CHAMP1: variants seen among roughly 807,000 people sequenced by gnomAD.
The protein encoded by CHAMP1 is chromosome alignment-maintaining phosphoprotein 1.
Under a neutral mutation model 54.5 loss-of-function variants are expected in CHAMP1, and 4 were observed. The observed-to-expected ratio is 0.07, with a 90% confidence interval of 0.04 to 0.17. The LOEUF is 0.17. Among genes scored for constraint, CHAMP1 ranks in the 10% least tolerant of loss-of-function variants. The probability of loss-of-function intolerance (pLI) is 1.00; values close to 1 mark genes in which losing one functional copy is unlikely to be tolerated. For synonymous variants in CHAMP1, 368 were observed against 342.2 expected, an observed-to-expected ratio of 1.08 and a Z score of -0.83; for missense variants, 994 against 968.6, an observed-to-expected ratio of 1.03 and a Z score of -0.35.
At chr13:114,321,604 GTTGGGCTGTTCA>G (rs200870566) in intron 2 of CHAMP1, among the ~76,000 whole-genome samples, 39,817 of 152,054 alleles carry the variant, frequency 0.26, 5,737 homozygotes, top group African/African-American at 0.36. Flanking sequence ...ATTATTGCCA[GTTGGGCTGTTCA>G]TTATTGCCTC....
chr13:114,315,619 T>G (rs2087087200), intron 1 of CHAMP1, among the ~76,000 whole-genome samples: 1 of 151,974 alleles, frequency 6.6e-6, no homozygotes. Context: ...TTGAGTGAAA[T>G]AAGACACAAA....
At chr13:114,318,115 A>G (rs2087120946) in intron 1 of CHAMP1, among the ~76,000 whole-genome samples, 1 of 152,182 alleles carries the variant, frequency 6.6e-6, no homozygotes, top group Non-Finnish European at 1.5e-5. Flanking sequence ...TCGTTCTGCT[A>G]CTGTGGGAAA....
intron 1 of CHAMP1, among the ~76,000 whole-genome samples, chr13:114,316,530 C>T (rs1427376892): frequency 6.6e-6 from 1 of 151,234 alleles, no homozygotes; most frequent in African/African-American, 2.4e-5. Flanking sequence ...GTGGAGATTG[C>T]AGTGAGCCGA....
At chr13:114,315,103 G>C (rs9590516) in intron 1 of CHAMP1, among the ~76,000 whole-genome samples, 10 of 152,178 alleles carry the variant, frequency 6.6e-5, no homozygotes, top group African/African-American at 2.4e-4. Flanking sequence ...CCCAGTTCAA[G>C]AATGGGCAAG....
chr13:114,317,280 CTCCCA>C (rs1284993513), intron 1 of CHAMP1, among the ~76,000 whole-genome samples: 2 of 152,048 alleles, frequency 1.3e-5, no homozygotes, highest in Non-Finnish European at 2.9e-5. Context: ...CTGCCTTGGC[CTCCCA>C]AAGTGTTGGG....
Position 114,325,897 on chromosome 13 carries a change from T to A in CHAMP1, c.2055T>A (p.Phe685Leu). Residue 685 changes from phenylalanine to leucine, a missense_variant, in exon 3 of 3, where the codon TTT (phenylalanine) becomes TTA (leucine). Phe to Leu is a conservative substitution (Grantham distance 22, BLOSUM62 0). Transcript: ENST00000361283. The stretch of plus-strand genomic sequence containing the variant: ...AGCAGTCTAGAAATGTGCTACAGTT[T>A]ACTGAAGAAAAAGAAGCTTTTATCT... The part of the protein sequence containing the change: ...SPEQSRNVLQ[F>L]TEEKEAFISE... 2 of 1,613,874 alleles carry A rather than the reference T, an allele frequency of 1.2e-6. No homozygotes were observed. Among genetic ancestry groups the A allele is most frequent in the Non-Finnish European group, 1.7e-6 (2 of 1,179,940 alleles).
intron 1 of CHAMP1, among the ~76,000 whole-genome samples, chr13:114,319,949 G>A (rs2087147473): frequency 1.3e-5 from 2 of 152,202 alleles, no homozygotes; most frequent in Non-Finnish European, 2.9e-5. Flanking sequence ...AGCTTTATAT[G>A]CCATATTCAA....
chr13:114,324,815 T>G lies in CHAMP1; in HGVS notation c.973T>G (p.Ser325Ala), dbSNP rs370329111. The change falls in exon 3 of 3, where the codon TCC (serine) becomes GCC (alanine). Residue 325 changes from serine to alanine, a missense_variant. Ser to Ala is a moderately conservative substitution (Grantham distance 99). Transcript: ENST00000361283. Reference sequence around the variant, plus strand: ...ACCTGGGTCCCCTAGGCCTTGGAAATCCAATCCTTCAGCATCATCAGGACC... The same window carrying G: ...ACCTGGGTCCCCTAGGCCTTGGAAAGCCAATCCTTCAGCATCATCAGGACC... ...GPPGSPRPWK[S>A]NPSASSGPWK... 6.2e-7 allele frequency: 1 copy of G among 1,613,842 alleles called. No individual in the cohort carries two copies. Among genetic ancestry groups the G allele is most frequent in the Non-Finnish European group, 8.5e-7 (1 of 1,179,932 alleles).
Position 114,324,229 on chromosome 13 carries a change from C to T in CHAMP1, c.387C>T (p.Ala129=). 6.2e-7 allele frequency: 1 copy of T among 1,614,148 alleles called. No homozygotes were observed. Among genetic ancestry groups the T allele is most frequent in the Non-Finnish European group, 8.5e-7 (1 of 1,180,032 alleles). ...CAGCAGAACCAAAATCCATACCTGC[C>T]CTTTCAATGGAAACACAGAAACTTG... ...CNSAEPKSIP[A]LSMETQKLGS... Residue 129 remains alanine, a synonymous_variant, in exon 3 of 3, where the codon GCC becomes GCT. Coordinates refer to ENST00000361283, the MANE Select transcript of CHAMP1 (RefSeq NM_032436.4).
intron 1 of CHAMP1, among the ~76,000 whole-genome samples, chr13:114,318,623 C>G (rs1484478861): frequency 2.6e-5 from 4 of 152,014 alleles, no homozygotes; most frequent in African/African-American, 9.7e-5. Flanking sequence ...CACACCCGGC[C>G]TGATCATCAG....
In CHAMP1 at chr13:114,325,062, A is replaced by T. The variant is rs1555379691; in HGVS notation, c.1220A>T (p.Glu407Val). ...AAGACAGCTCCCACGTTGTCTCCTG[A>T]ACATTGGAAGGCAGTTCCCCCAGTG... The part of the protein sequence containing the change: ...LRKTAPTLSP[E>V]HWKAVPPVSP... Residue 407 changes from glutamate to valine, a missense_variant, in exon 3 of 3, where the codon GAA becomes GTA. Glu to Val is a moderately radical substitution (Grantham distance 121). Around this residue, in one of 3 missense-constraint regions of CHAMP1, gnomAD observed 851 missense variants for 701.3 expected, o/e 1.21. Coordinates refer to ENST00000361283, the MANE Select transcript of CHAMP1 (RefSeq NM_032436.4). 2 of 1,614,016 alleles carry T rather than the reference A, an allele frequency of 1.2e-6. No individual in the cohort carries two copies. Among genetic ancestry groups the T allele is most frequent in the Admixed American group, 3.3e-5 (2 of 60,010 alleles).
rs1412444855 is a variant in CHAMP1, at chr13:114,327,278, G to C, written c.*997G>C. The C allele has an allele frequency of 6.3e-6, 1 of 159,110 alleles. No homozygotes were observed. The highest frequency in any genetic ancestry group is 2.4e-5 in the African/African-American group (1 of 41,394). The allele number at this position is 159,110 out of a possible 1,614,324, so 9.9% of individuals were successfully genotyped here. On this transcript the variant is annotated 3_prime_UTR_variant, in exon 3 of 3. Transcript: ENST00000361283. ...GGATTATTTTATTCTAAAATATTTT[G>C]TCAAATGTGTATCAACCAAATTAAA... is the stretch of plus-strand genomic sequence containing the variant.
At chr13:114,323,455 T>G (rs545924580) in intron 2 of CHAMP1, 1 of 169,724 alleles carries the variant, frequency 5.9e-6, no homozygotes, top group African/African-American at 2.4e-5. Context: ...GCACATGCAA[T>G]AGCTAATTCT....
chr13:114,320,603 A>G (rs1363280178), intron 1 of CHAMP1, among the ~76,000 whole-genome samples: 1 of 152,162 alleles, frequency 6.6e-6, no homozygotes, highest in African/African-American at 2.4e-5. Flanking sequence ...TTAAAGAGAA[A>G]GTAGACAAGG....
In CHAMP1 at chr13:114,325,339, A is replaced by G. The variant is rs782292119; in HGVS notation, c.1497A>G (p.Pro499=). ...QKPVFPETRK[P]GPSGPSESPK... ...CTGTCTTCCCTGAGACCCGAAAACC[A>G]GGTCCTTCTGGGCCATCTGAGTCCC... is the stretch of plus-strand genomic sequence containing the variant. The change falls in exon 3 of 3, where the codon CCA becomes CCG. Residue 499 remains proline (P), a synonymous_variant. Coordinates refer to ENST00000361283, the MANE Select transcript of CHAMP1 (RefSeq NM_032436.4). 10 of 1,614,112 alleles carry G rather than the reference A, an allele frequency of 6.2e-6. No individual in the cohort carries two copies. In the South Asian group the frequency reaches 6.6e-5, roughly 11 times the overall value.
chr13:114,315,487 GTGGTATAT>G (rs1261204218), intron 1 of CHAMP1, among the ~76,000 whole-genome samples: 3 of 152,208 alleles, frequency 2.0e-5, no homozygotes, highest in African/African-American at 7.2e-5. Context: ...AAGGCAAGCT[GTGGTATAT>G]ACATATAATG....
rs2087204573 is a variant in CHAMP1 at position 114,323,988 on chromosome 13, T to A, written c.146T>A (p.Leu49Gln). The A allele has an allele frequency of 6.2e-7, 1 of 1,614,216 alleles. No homozygotes were observed. Among genetic ancestry groups the A allele is most frequent in the African/African-American group, 1.3e-5 (1 of 75,062 alleles). ...TGTGATGAAATGGATGCTGGTGGGC[T>A]AGGCAAAATGATATTTTACCAGAAA... ...EFCDEMDAGG[L>Q]GKMIFYQKSA... Residue 49 changes from leucine to glutamine, a missense_variant, in exon 3 of 3, where the codon CTA becomes CAA. Transcript: ENST00000361283.
intron 1 of CHAMP1, among the ~76,000 whole-genome samples, 171 bp from the exon 2 acceptor site, chr13:114,320,939 G>T (rs185870034): frequency 2.0e-3 from 296 of 144,822 alleles, no homozygotes; most frequent in Middle Eastern, 0.01. Flanking sequence ...CTGGGCGACA[G>T]AGCAAGACTC....
At position 114,326,385 on chromosome 13, in the gene CHAMP1, G is replaced by T; in HGVS notation, c.*104G>T. 1 of 1,300,870 alleles carries T rather than the reference G, an allele frequency of 7.7e-7. No individual in the cohort carries two copies. Among genetic ancestry groups the T allele is most frequent in the South Asian group, 1.7e-5 (1 of 60,074 alleles). The allele number at this position is 1,300,870 out of a possible 1,614,324, so 80.6% of individuals were successfully genotyped here. On this transcript the variant is annotated 3_prime_UTR_variant, in exon 3 of 3. Transcript: ENST00000361283. ...GTTGGATCAGTAGATGACATGTATG[G>T]TGTACCGTGTTTCACTGTCTCAGTT... is the stretch of plus-strand genomic sequence containing the variant.
Sources: allele counts gnomAD v4.1 joint callset (sites outside exome capture counted in the v4.1 genomes callset), GRCh38; gene constraint gnomAD v4.1.1; regional missense constraint gnomAD v4.1.1; transcripts MANE v1.5; gene names NCBI Gene and HGNC (gene_info 2026-07-23, HGNC 2026-07-21).